Variants in PTPRN2 observed in about 807,000 individuals in gnomAD.
PTPRN2 encodes the protein protein tyrosine phosphatase receptor type N2.
A neutral mutation model predicts 118.8 loss-of-function variants in PTPRN2; 74 were observed. That is an observed-to-expected ratio of 0.62 (90% CI 0.52 to 0.76). PTPRN2 has a LOEUF of 0.76. Among genes scored for constraint, PTPRN2 ranks in the 30% least tolerant of loss-of-function variants. The pLI is 0.00. For missense variants in PTPRN2, 1,481 were observed against 1,394.4 expected (o/e 1.06, Z -0.99); for synonymous variants, 641 against 608.0 (o/e 1.05, Z -0.80).
chr7:158,584,194 GT>G (rs1828795403), intron 1 of PTPRN2, among the ~76,000 whole-genome samples: 1 of 152,176 alleles, frequency 6.6e-6, no homozygotes, highest in Non-Finnish European at 1.5e-5. Flanking sequence ...GCAAGTGAAA[GT>G]TGTGCTTCTT....
intron 3 of PTPRN2, among the ~76,000 whole-genome samples, chr7:158,299,943 A>G (rs184867164): frequency 6.5e-4 from 99 of 152,288 alleles, no homozygotes; most frequent in African/African-American, 2.3e-3. Context: ...CAGGTTCTGG[A>G]AAGGCCTTTT....
intron 13 of PTPRN2, among the ~76,000 whole-genome samples, chr7:157,663,413 T>C (rs1182667133): frequency 6.6e-6 from 1 of 152,162 alleles, no homozygotes; most frequent in East Asian, 1.9e-4. Context: ...GCCACATCTA[T>C]CTACTGGAGA....
chr7:158,484,133 G>A (rs1355893770), intron 2 of PTPRN2, among the ~76,000 whole-genome samples: 1 of 152,056 alleles, frequency 6.6e-6, no homozygotes, highest in Non-Finnish European at 1.5e-5. Context: ...GACAGAACAA[G>A]TGCTTGTCTT....
intron 12 of PTPRN2, among the ~76,000 whole-genome samples, chr7:157,739,766 T>C (rs1031011851): frequency 3.9e-5 from 6 of 152,232 alleles, no homozygotes; most frequent in East Asian, 1.9e-4. Context: ...TACTGTGTTT[T>C]TGGGACACTC....
chr7:157,847,888 G>A (rs557360507), intron 12 of PTPRN2, among the ~76,000 whole-genome samples: 3 of 149,378 alleles, frequency 2.0e-5, no homozygotes, highest in African/African-American at 2.5e-5. Context: ...ATGTGTGCCC[G>A]ATGTTTACAG....
intron 1 of PTPRN2, among the ~76,000 whole-genome samples, chr7:158,543,330 C>T (rs1826101527): frequency 6.6e-6 from 1 of 152,236 alleles, no homozygotes; most frequent in Admixed American, 6.5e-5. Flanking sequence ...AAGCCGCCAT[C>T]AGCTCAGCCA....
intron 3 of PTPRN2, among the ~76,000 whole-genome samples, chr7:158,259,179 G>A (rs766966069): frequency 6.6e-6 from 1 of 152,242 alleles, no homozygotes; most frequent in Admixed American, 6.5e-5. Context: ...GACACCGGAA[G>A]TGGAAGGTTG....
chr7:158,221,919 A>G (rs1828408793), intron 3 of PTPRN2, among the ~76,000 whole-genome samples: 1 of 152,244 alleles, frequency 6.6e-6, no homozygotes, highest in African/African-American at 2.4e-5. Flanking sequence ...GGTAGGAGAC[A>G]TGAACAGACA....
chr7:158,337,543 TCATTCACACCCA>T (rs1805901090), intron 2 of PTPRN2, among the ~76,000 whole-genome samples: 2 of 140,390 alleles, frequency 1.4e-5, no homozygotes, highest in African/African-American at 5.4e-5. Flanking sequence ...CCTGCAGACG[TCATTCACACCCA>T]CACTCTCACC....
At chr7:157,914,235 TAAAC>T (rs1006202206) in intron 11 of PTPRN2, among the ~76,000 whole-genome samples, 3 of 152,238 alleles carry the variant, frequency 2.0e-5, no homozygotes, top group East Asian at 1.9e-4. Flanking sequence ...TTTTGCTTTT[TAAAC>T]AAACAGAGAG....
At chr7:157,993,033 G>T (rs1156623565) in intron 11 of PTPRN2, among the ~76,000 whole-genome samples, 3 of 152,206 alleles carry the variant, frequency 2.0e-5, no homozygotes, top group Non-Finnish European at 2.9e-5. Flanking sequence ...AGCCCACGGG[G>T]TCTGCCCAGG....
intron 12 of PTPRN2, among the ~76,000 whole-genome samples, chr7:157,823,821 G>A (rs1004774327): frequency 1.3e-5 from 2 of 152,200 alleles, no homozygotes; most frequent in Non-Finnish European, 2.9e-5. Flanking sequence ...TTTTCCCTAA[G>A]CATGAAAATT....
chr7:157,695,396 C>T lies in PTPRN2; in HGVS notation c.1789-12459G>A, dbSNP rs115252954. Among the ~76,000 whole-genome samples, 728 of 152,066 alleles carry T rather than the reference C, an allele frequency of 4.8e-3. 2 individuals are homozygous for T. In the Middle Eastern group the frequency reaches 0.055, roughly 12 times the overall value. ...ACTAAGACAGTAATTTATAATTTTA[C>T]AGTACACAAATAGTATTTAAAATAC... On this transcript the variant is annotated intron_variant, in intron 12 of 22. Transcript: ENST00000389418.
At chr7:158,281,595 T>G (rs1563070) in intron 3 of PTPRN2, among the ~76,000 whole-genome samples, 39,915 of 152,172 alleles carry the variant, frequency 0.26, 5,546 homozygotes, top group East Asian at 0.41. Context: ...GTGTGCGTGG[T>G]GCCCTGCGCA....
intron 3 of PTPRN2, among the ~76,000 whole-genome samples, chr7:158,272,148 C>T (rs537830874): frequency 3.8e-4 from 58 of 152,192 alleles, no homozygotes; most frequent in Non-Finnish European, 7.2e-4. Flanking sequence ...ATGCACACTT[C>T]GTGCTGAGCT....
At chr7:157,926,962 T>C (rs112358149) in intron 11 of PTPRN2, among the ~76,000 whole-genome samples, 11 of 125,416 alleles carry the variant, frequency 8.8e-5, no homozygotes, top group South Asian at 5.8e-4. Context: ...GCTGGGGCCC[T>C]GAACACAGGA....
chr7:158,340,251 T>C (rs1234673264), intron 2 of PTPRN2, among the ~76,000 whole-genome samples: 202 of 47,938 alleles, frequency 4.2e-3, no homozygotes, highest in Non-Finnish European at 5.4e-3. Flanking sequence ...ACACTCTCAC[T>C]ATAAGAGGTG....
At chr7:157,838,432 T>G (rs1808142060) in intron 12 of PTPRN2, among the ~76,000 whole-genome samples, 2 of 129,278 alleles carry the variant, frequency 1.5e-5, no homozygotes, top group African/African-American at 6.3e-5. Context: ...AGAAAGCTCC[T>G]CTCCACCGTG....
At chr7:158,527,245 C>T (rs1215447473) in intron 1 of PTPRN2, among the ~76,000 whole-genome samples, 2 of 152,124 alleles carry the variant, frequency 1.3e-5, no homozygotes, top group South Asian at 4.1e-4. Flanking sequence ...TCTCCACCAG[C>T]TCCCCAGGCC....
Sources: gnomAD v4.1 joint callset for allele counts (sites outside exome capture counted in the v4.1 genomes callset) on GRCh38, gnomAD v4.1.1 for gene constraint, MANE v1.5 for transcripts, NCBI Gene and HGNC (gene_info 2026-07-23, HGNC 2026-07-21) for gene names.